PPARGC1A: variants seen among roughly 807,000 people sequenced by gnomAD.
PPARGC1A encodes the protein PPARG coactivator 1 alpha, also known as peroxisome proliferator-activated receptor gamma coactivator 1-alpha.
Under a neutral mutation model 88.7 loss-of-function variants are expected in PPARGC1A, and 25 were observed. The observed-to-expected ratio is 0.28, with a 90% CI of 0.21 to 0.39. The LOEUF is 0.39. PPARGC1A is among the 10% of genes least tolerant of loss of function. PPARGC1A has a pLI of 1.00. For synonymous variants in PPARGC1A, 363 were observed against 355.6 expected (o/e 1.02, Z -0.24); for missense variants, 880 against 968.7 (o/e 0.91, Z 1.22).
chr4:23,844,826 T>TTATTATAATATATGATATA (rs1577484705), intron 2 of PPARGC1A, among the ~76,000 whole-genome samples: 2 of 128,470 alleles, frequency 1.6e-5, no homozygotes, highest in African/African-American at 2.9e-5. Context: ...ATGATATATA[T>TTATTATAATATATGATATA]TATTATAATA....
At chr4:23,973,985 A>G in the PPARGC1A span, among the ~76,000 whole-genome samples, 1 of 151,874 alleles carries the variant, frequency 6.6e-6, no homozygotes, top group East Asian at 1.9e-4. Context: ...AAATAAATAA[A>G]TGAATAAAAG....
the PPARGC1A span, among the ~76,000 whole-genome samples, chr4:24,260,407 T>C: frequency 1.3e-5 from 2 of 152,206 alleles, no homozygotes; most frequent in African/African-American, 4.8e-5. Flanking sequence ...TCTAAACAGA[T>C]TTCTTGTTTA....
chr4:24,188,948 G>T, the PPARGC1A span, among the ~76,000 whole-genome samples: 1 of 152,006 alleles, frequency 6.6e-6, no homozygotes, highest in East Asian at 1.9e-4. Flanking sequence ...CCACACAATC[G>T]AACATTATCC....
chr4:23,827,562 C>T lies in PPARGC1A; in HGVS notation c.757+838G>A, dbSNP rs561291262. Among the ~76,000 whole-genome samples, 16 of 152,198 alleles carry T rather than the reference C, an allele frequency of 1.1e-4. No individual in the cohort carries two copies. The South Asian group carries it at 2.7e-3, about 26-fold the overall frequency. The stretch of plus-strand genomic sequence containing the variant: ...AGGGGTCTTTGGGCTTCTAAGACCA[C>T]GACATTTTGAGAAGGAGGAGCCTAA... On this transcript the variant is annotated intron_variant, in intron 5 of 12. Transcript: ENST00000264867.
chr4:24,461,617 G>A, the PPARGC1A span, among the ~76,000 whole-genome samples: 2 of 152,092 alleles, frequency 1.3e-5, no homozygotes, highest in Non-Finnish European at 1.5e-5. Flanking sequence ...TATCGTGTGT[G>A]TGTGTGTGTG....
At chr4:24,054,866 T>C in the PPARGC1A span, among the ~76,000 whole-genome samples, 2 of 151,742 alleles carry the variant, frequency 1.3e-5, no homozygotes, top group African/African-American at 4.9e-5. Context: ...ATAGCAGCAG[T>C]AGTAACTGTA....
chr4:24,143,665 CT>C, the PPARGC1A span, among the ~76,000 whole-genome samples: 2 of 152,182 alleles, frequency 1.3e-5, no homozygotes, highest in African/African-American at 4.8e-5. Flanking sequence ...AATGTGTAGT[CT>C]TAATTACATG....
chr4:24,157,520 T>G, the PPARGC1A span, among the ~76,000 whole-genome samples: 1 of 152,206 alleles, frequency 6.6e-6, no homozygotes, highest in African/African-American at 2.4e-5. Flanking sequence ...TCTGAACTCC[T>G]GCATATCCTA....
chr4:23,967,403 A>G, the PPARGC1A span, among the ~76,000 whole-genome samples: 3 of 152,210 alleles, frequency 2.0e-5, no homozygotes, highest in Non-Finnish European at 4.4e-5. Context: ...ATTGGCTGCA[A>G]TGGCTCTGAG....
At chr4:24,431,103 A>C in the PPARGC1A span, among the ~76,000 whole-genome samples, 66,270 of 137,496 alleles carry the variant, frequency 0.48, 16,301 homozygotes, top group African/African-American at 0.63. Flanking sequence ...CCAGCCTGGG[A>C]GACAGAGCAA....
At chr4:23,989,773 A>C in the PPARGC1A span, among the ~76,000 whole-genome samples, 1 of 151,730 alleles carries the variant, frequency 6.6e-6, no homozygotes, top group Non-Finnish European at 1.5e-5. Flanking sequence ...CATATCATGA[A>C]CTTATTAATG....
the PPARGC1A span, among the ~76,000 whole-genome samples, chr4:24,377,008 G>A: frequency 6.6e-6 from 1 of 152,096 alleles, no homozygotes; most frequent in East Asian, 1.9e-4. Context: ...AATGCTGGAG[G>A]GCACCAGTTA....
chr4:24,326,174 C>G, the PPARGC1A span, among the ~76,000 whole-genome samples: 1 of 152,154 alleles, frequency 6.6e-6, no homozygotes, highest in Non-Finnish European at 1.5e-5. Context: ...AAAACCTAAT[C>G]ACCCTTACCC....
chr4:24,418,928 G>A, the PPARGC1A span, among the ~76,000 whole-genome samples: 1 of 152,106 alleles, frequency 6.6e-6, no homozygotes, highest in East Asian at 1.9e-4. Context: ...TATTTTCAGA[G>A]TAACTTGTGT....
At chr4:23,889,844 T>C in intron 1 of PPARGC1A, 60 bp downstream of exon 1, 2 of 1,592,848 alleles carry the variant, frequency 1.3e-6, no homozygotes, top group Non-Finnish European at 1.7e-6. Flanking sequence ...CTTACAGGAA[T>C]AATAGCATCT....
the PPARGC1A span, among the ~76,000 whole-genome samples, chr4:23,956,733 A>G: frequency 4.3e-3 from 657 of 152,122 alleles, 6 homozygotes; most frequent in African/African-American, 0.015. Flanking sequence ...ATTTATACCC[A>G]TCTCAGTAGT....
chr4:24,351,235 A>G, the PPARGC1A span, among the ~76,000 whole-genome samples: 5 of 147,452 alleles, frequency 3.4e-5, no homozygotes, highest in Non-Finnish European at 1.5e-5. Context: ...TGTATTTAAA[A>G]AAAAAAAAAA....
chr4:23,992,109 T>C, the PPARGC1A span, among the ~76,000 whole-genome samples: 373 of 152,186 alleles, frequency 2.5e-3, 1 homozygote, highest in Middle Eastern at 6.8e-3. Context: ...TTTCCCTTTT[T>C]TCAAGTGGTC....
the PPARGC1A span, among the ~76,000 whole-genome samples, chr4:24,238,747 G>A: frequency 3.1e-4 from 8 of 26,210 alleles, no homozygotes; most frequent in South Asian, 1.4e-3. Context: ...GGTTGTATAT[G>A]TGTGTGTGTG....
Sources: gnomAD v4.1 joint callset for allele counts (sites outside exome capture counted in the v4.1 genomes callset) on GRCh38, gnomAD v4.1.1 for gene constraint, MANE v1.5 for transcripts, NCBI Gene and HGNC (gene_info 2026-07-23, HGNC 2026-07-21) for gene names.